Variants in C12orf42 observed in about 807,000 individuals in gnomAD.
C12orf42 encodes chromosome 12 open reading frame 42, also known as uncharacterized protein C12orf42.
C12orf42 carries 25 observed loss-of-function variants against 21.6 expected under a neutral mutation model. The observed-to-expected ratio is 1.16, with a 90% CI of 0.84 to 1.62. The LOEUF is 1.62. Among genes scored for constraint, C12orf42 ranks in the 40% most tolerant of loss-of-function variants. The probability of loss-of-function intolerance (pLI) is 0.00; values close to 1 mark genes in which losing one functional copy is unlikely to be tolerated. For missense variants in C12orf42, 483 were observed against 459.3 expected, an observed-to-expected ratio of 1.05 and a Z score of -0.47; for synonymous variants, 174 against 175.0, an observed-to-expected ratio of 0.99 and a Z score of 0.05.
At chr12:103,141,880 T>C in the C12orf42 span, among the ~76,000 whole-genome samples, 1 of 152,038 alleles carries the variant, frequency 6.6e-6, no homozygotes, top group Non-Finnish European at 1.5e-5. Flanking sequence ...AGGTGGTGAG[T>C]AGATACTATG....
At position 103,399,986 on chromosome 12, in the gene C12orf42, G is replaced by C. The variant is rs558579828; in HGVS notation, c.147+1621C>G. Among the ~76,000 whole-genome samples, 131 of 152,090 alleles carry C rather than the reference G, an allele frequency of 8.6e-4. 1 individual carries two copies. Among genetic ancestry groups the C allele is most frequent in the Non-Finnish European group, 1.6e-3 (112 of 67,986 alleles). On this transcript the variant is annotated intron_variant, in intron 3 of 5. Transcript: ENST00000548883. ...ATGTATAATATATAATAAAGTATAT[G>C]GCAGTCAATATACAGTATATACTAT...
At chr12:103,413,241 G>C (rs1390483672) in intron 2 of C12orf42, among the ~76,000 whole-genome samples, 2 of 152,100 alleles carry the variant, frequency 1.3e-5, no homozygotes, top group Non-Finnish European at 2.9e-5. Flanking sequence ...TGTCAGCCTT[G>C]TTAAAGATCA....
upstream of C12orf42, among the ~76,000 whole-genome samples, chr12:103,500,445 C>T (rs1311433136): frequency 6.6e-6 from 1 of 152,192 alleles, no homozygotes; most frequent in East Asian, 1.9e-4. Context: ...AAAAGCCCCT[C>T]CTGGGTAGAA....
At chr12:103,310,375 C>CTCAGGTA (rs1419010490) in intron 4 of C12orf42, among the ~76,000 whole-genome samples, 2 of 152,170 alleles carry the variant, frequency 1.3e-5, no homozygotes, top group African/African-American at 4.8e-5. Flanking sequence ...ATGACCCAGT[C>CTCAGGTA]TCAGGTATTT....
At chr12:103,397,896 C>T (rs2047670213) in intron 3 of C12orf42, 1 of 152,094 alleles carries the variant, frequency 6.6e-6, no homozygotes, top group Non-Finnish European at 1.5e-5. Context: ...TTATATATTT[C>T]GAAGTAGCCA....
At chr12:103,466,831 C>A (rs1361700787) in intron 2 of C12orf42, among the ~76,000 whole-genome samples, 1 of 152,196 alleles carries the variant, frequency 6.6e-6, no homozygotes, top group Non-Finnish European at 1.5e-5. Flanking sequence ...CAAGGGGAGG[C>A]ACTATTGGAG....
At chr12:103,146,728 C>T in the C12orf42 span, among the ~76,000 whole-genome samples, 1 of 152,148 alleles carries the variant, frequency 6.6e-6, no homozygotes, top group East Asian at 1.9e-4. Context: ...CAATTGAAAA[C>T]AACCTTATAT....
chr12:103,542,331 T>A, the C12orf42 span, among the ~76,000 whole-genome samples: 1 of 152,210 alleles, frequency 6.6e-6, no homozygotes, highest in Non-Finnish European at 1.5e-5. Flanking sequence ...TTCTTGGAAA[T>A]TCTAGATAAG....
At chr12:103,303,874 T>C (rs1278764872) in intron 5 of C12orf42, among the ~76,000 whole-genome samples, 1 of 152,192 alleles carries the variant, frequency 6.6e-6, no homozygotes, top group Non-Finnish European at 1.5e-5. Context: ...TAGCTGTTGA[T>C]TTGGATTTCT....
chr12:103,479,511 T>G (rs1555213759), intron 1 of C12orf42, among the ~76,000 whole-genome samples: 1 of 152,118 alleles, frequency 6.6e-6, no homozygotes, highest in Non-Finnish European at 1.5e-5. Flanking sequence ...TATGCTTGGT[T>G]GTTCCTGATG....
At chr12:103,121,701 A>G in the C12orf42 span, among the ~76,000 whole-genome samples, 1 of 152,186 alleles carries the variant, frequency 6.6e-6, no homozygotes, top group Non-Finnish European at 1.5e-5. Context: ...AGTCTGATTC[A>G]CACGACCCTG....
At chr12:103,399,142 A>G (rs1177780224) in intron 3 of C12orf42, among the ~76,000 whole-genome samples, 1 of 151,668 alleles carries the variant, frequency 6.6e-6, no homozygotes, top group Non-Finnish European at 1.5e-5. Context: ...AGTTTTAATA[A>G]TTTATATATT....
chr12:103,281,592 G>A (rs753709037), intron 4 of C12orf42, among the ~76,000 whole-genome samples: 2 of 152,108 alleles, frequency 1.3e-5, no homozygotes, highest in South Asian at 2.1e-4. Flanking sequence ...TCCTGACCTC[G>A]TGATCTGCCC....
chr12:103,179,560 A>G, the C12orf42 span, among the ~76,000 whole-genome samples: 1 of 152,178 alleles, frequency 6.6e-6, no homozygotes, highest in Non-Finnish European at 1.5e-5. Context: ...AGAGGGGATG[A>G]GATGGGAAAA....
the C12orf42 span, among the ~76,000 whole-genome samples, chr12:103,172,798 A>G: frequency 2.0e-5 from 3 of 152,188 alleles, no homozygotes; most frequent in African/African-American, 4.8e-5. Flanking sequence ...TAATAACACA[A>G]TACTAAAGCT....
chr12:103,540,696 A>T, the C12orf42 span, among the ~76,000 whole-genome samples: 1 of 152,134 alleles, frequency 6.6e-6, no homozygotes, highest in African/African-American at 2.4e-5. Flanking sequence ...TATCTCTTTT[A>T]AATAGCATGT....
the C12orf42 span, among the ~76,000 whole-genome samples, chr12:103,068,561 T>A: frequency 1.3e-5 from 2 of 151,964 alleles, no homozygotes; most frequent in Non-Finnish European, 2.9e-5. Flanking sequence ...GTGAGGGTGT[T>A]GCCAAAGGAG....
the C12orf42 span, among the ~76,000 whole-genome samples, chr12:103,197,947 G>A: frequency 6.6e-6 from 1 of 152,182 alleles, no homozygotes; most frequent in Admixed American, 6.5e-5. Context: ...AAGAGACCCA[G>A]GTGTTCCCAG....
At chr12:103,390,370 A>G (rs1334732617) in intron 3 of C12orf42, among the ~76,000 whole-genome samples, 1 of 152,216 alleles carries the variant, frequency 6.6e-6, no homozygotes, top group Non-Finnish European at 1.5e-5. Flanking sequence ...ACGTACATAC[A>G]CAATGCTCAA....
Sources: gnomAD v4.1 joint callset for allele counts (sites outside exome capture counted in the v4.1 genomes callset) on GRCh38, gnomAD v4.1.1 for gene constraint, MANE v1.5 for transcripts, NCBI Gene and HGNC (gene_info 2026-07-23, HGNC 2026-07-21) for gene names.